Variants in TET2 observed in about 807,000 individuals in gnomAD.
TET2 encodes the protein tet methylcytosine dioxygenase 2, also known as methylcytosine dioxygenase TET2.
TET2 carries 299 observed loss-of-function variants against 142.9 expected under a neutral mutation model. The ratio of observed to expected loss-of-function variants is 2.09; its 90% CI spans 1.90 to 2.30. TET2 has a LOEUF of 2.30. TET2 is among the 30% of genes most tolerant of loss of function. The probability of loss-of-function intolerance (pLI) is 0.00; values close to 1 mark genes in which losing one functional copy is unlikely to be tolerated. For missense variants in TET2, 2,418 were observed against 2,378.0 expected (o/e 1.02, Z -0.35); for synonymous variants, 819 against 849.0 (o/e 0.96, Z 0.61).
intron 1 of TET2, among the ~76,000 whole-genome samples, chr4:105,167,019 T>C (rs1381577872): frequency 1.3e-5 from 2 of 152,138 alleles, no homozygotes; most frequent in African/African-American, 2.4e-5. Flanking sequence ...CCTTTGATTA[T>C]TTCTTCCTTC....
At chr4:105,269,836 G>A in intron 9 of TET2, 89 bp downstream of exon 9, 8 of 1,433,726 alleles carry the variant, frequency 5.6e-6, no homozygotes, top group Non-Finnish European at 7.6e-6. Context: ...AATTTATAAA[G>A]GAAAGAGATT....
At chr4:105,258,471 GA>G (rs1483502623) in intron 6 of TET2, among the ~76,000 whole-genome samples, 1 of 152,012 alleles carries the variant, frequency 6.6e-6, no homozygotes, top group Non-Finnish European at 1.5e-5. Flanking sequence ...ATTTTGATGG[GA>G]AATTATATTT....
chr4:105,228,045 T>C, intron 2 of TET2, among the ~76,000 whole-genome samples: 1 of 152,158 alleles, frequency 6.6e-6, no homozygotes, highest in Admixed American at 6.5e-5. Flanking sequence ...TCCTTCTCTT[T>C]TATTAAGCAA....
chr4:105,272,969 A>C (rs756593121), intron 10 of TET2, 51 bp downstream of exon 10: 6 of 1,415,716 alleles, frequency 4.2e-6, no homozygotes, highest in Non-Finnish European at 5.6e-6. Context: ...TGGTATATTA[A>C]AAATGAAAAT....
chr4:105,183,126 A>T (rs1414517494), intron 1 of TET2, among the ~76,000 whole-genome samples: 1 of 152,158 alleles, frequency 6.6e-6, no homozygotes, highest in African/African-American at 2.4e-5. Flanking sequence ...CAGTTTATTG[A>T]TCCTCAATCT....
chr4:105,163,022 A>AG (rs1041136327), intron 1 of TET2, among the ~76,000 whole-genome samples: 1 of 152,232 alleles, frequency 6.6e-6, no homozygotes, highest in Non-Finnish European at 1.5e-5. Context: ...TAAAAGGATG[A>AG]GAAAAAAAAG....
chr4:105,146,857 CG>C (rs1723043028), upstream of TET2: 1 of 152,268 alleles, frequency 6.6e-6, no homozygotes, highest in Non-Finnish European at 1.5e-5. Context: ...AATATTGATG[CG>C]GAGGCTAGGC....
At chr4:105,191,438 T>G (rs1725781901) in intron 2 of TET2, among the ~76,000 whole-genome samples, 1 of 152,162 alleles carries the variant, frequency 6.6e-6, no homozygotes. Context: ...GCCTGAACTA[T>G]ATAAGACAGT....
intron 10 of TET2, among the ~76,000 whole-genome samples, chr4:105,274,178 T>C (rs920599261): frequency 3.9e-5 from 6 of 152,240 alleles, no homozygotes; most frequent in African/African-American, 1.4e-4. Context: ...TTGTCTCTGC[T>C]CCCTTTTAAC....
chr4:105,276,195 C>T lies in TET2; in HGVS notation c.5685C>T (p.Thr1895=), dbSNP rs1731214652. Residue 1895 remains threonine (T), a synonymous_variant, in exon 11 of 11, where the codon ACC becomes ACT. Transcript: ENST00000380013. ...AGAATCCCAATAGGAATCACCCCAC[C>T]AGGATCTCCCTCGTCTTTTACCAGC... ...PLKNPNRNHP[T]RISLVFYQHK... The T allele has an allele frequency of 6.4e-7, 1 of 1,551,512 alleles. No homozygotes were observed. Among genetic ancestry groups the T allele is most frequent in the African/African-American group, 1.4e-5 (1 of 73,040 alleles).
chr4:105,173,765 C>G (rs187914604), intron 1 of TET2, among the ~76,000 whole-genome samples: 1 of 152,202 alleles, frequency 6.6e-6, no homozygotes, highest in African/African-American at 2.4e-5. Context: ...TAAATTAAAA[C>G]ATTTATAAAA....
chr4:105,259,588 T>C lies in TET2; in HGVS notation c.3804-31T>C, dbSNP rs148708004. On this transcript the variant is annotated intron_variant, in intron 6 of 10. Coordinates refer to ENST00000380013, the MANE Select transcript of TET2 (RefSeq NM_001127208.3). Reference sequence around the variant, plus strand: ...TGCACAGCCTATATAATGCTATCCATAGCAATGAATTTGGTCTTTTGATTT... The same window carrying C: ...TGCACAGCCTATATAATGCTATCCACAGCAATGAATTTGGTCTTTTGATTT... 2.2e-4 allele frequency: 342 copies of C among 1,548,716 alleles called. 3 individuals carry two copies. In the East Asian group the frequency reaches 8.2e-3, roughly 37 times the overall value.
rs186386577 is a variant in TET2, at chr4:105,201,402, A to G, written c.-47+10897A>G. Among the ~76,000 whole-genome samples the G allele has an allele frequency of 2.6e-5, 4 of 152,304 alleles. No individual in the cohort carries two copies. In the East Asian group the frequency reaches 7.7e-4, roughly 29 times the overall value. On this transcript the variant is annotated intron_variant, in intron 2 of 10. Coordinates refer to ENST00000380013, the MANE Select transcript of TET2 (RefSeq NM_001127208.3). Reference sequence around the variant, plus strand: ...TTAAGGAAAGTATAACTTTATTTTCATGTATGATAGTAAATAATACAATAG... The same window carrying G: ...TTAAGGAAAGTATAACTTTATTTTCGTGTATGATAGTAAATAATACAATAG...
Position 105,276,209 on chromosome 4 carries a change from T to C in TET2, c.5699T>C (p.Val1900Ala). The C allele has an allele frequency of 6.4e-7, 1 of 1,551,644 alleles. No homozygotes were observed. The highest frequency in any genetic ancestry group is 8.7e-7 in the Non-Finnish European group (1 of 1,146,972). ...NRNHPTRISLVFYQHKSMNEP... is the reference protein window; with the variant it reads ...NRNHPTRISLAFYQHKSMNEP... ...AATCACCCCACCAGGATCTCCCTCG[T>C]CTTTTACCAGCATAAGAGCATGAAT... The change falls in exon 11 of 11, where the codon GTC (valine) becomes GCC (alanine). Residue 1900 changes from valine (V) to alanine (A), a missense_variant. Val to Ala is a moderately conservative substitution (Grantham distance 64). Coordinates refer to ENST00000380013, the MANE Select transcript of TET2 (RefSeq NM_001127208.3).
At chr4:105,199,204 T>C (rs987910440) in intron 2 of TET2, among the ~76,000 whole-genome samples, 1 of 152,206 alleles carries the variant, frequency 6.6e-6, no homozygotes, top group African/African-American at 2.4e-5. Context: ...GTTTGGTGTT[T>C]GGTATCTTAA....
At chr4:105,182,360 A>G (rs996977220) in intron 1 of TET2, among the ~76,000 whole-genome samples, 1 of 152,174 alleles carries the variant, frequency 6.6e-6, no homozygotes, top group Non-Finnish European at 1.5e-5. Context: ...AGAATAATAA[A>G]TGGCATGTAG....
At chr4:105,201,701 G>A (rs1330961756) in intron 2 of TET2, among the ~76,000 whole-genome samples, 1 of 138,398 alleles carries the variant, frequency 7.2e-6, no homozygotes, top group Non-Finnish European at 1.5e-5. Flanking sequence ...AGTTAAAATG[G>A]TATCATTAAC....
chr4:105,233,195 C>A (rs1245618185), intron 2 of TET2, among the ~76,000 whole-genome samples: 1 of 151,640 alleles, frequency 6.6e-6, no homozygotes. Context: ...ACCAGCCTGG[C>A]CAACATAGTA....
At chr4:105,241,943 T>C in intron 4 of TET2, 1 of 1,207,366 alleles carries the variant, frequency 8.3e-7, no homozygotes, top group Non-Finnish European at 1.0e-6. Flanking sequence ...GCTGCCTTTT[T>C]TTTTTTTTTT....
Sources: gnomAD v4.1 joint callset for allele counts (sites outside exome capture counted in the v4.1 genomes callset) on GRCh38, gnomAD v4.1.1 for gene constraint, MANE v1.5 for transcripts, NCBI Gene and HGNC (gene_info 2026-07-23, HGNC 2026-07-21) for gene names.